Variants in DCC observed in about 807,000 individuals in gnomAD.
The protein encoded by DCC is netrin receptor DCC.
In DCC, 58 loss-of-function variants were observed where a neutral mutation model predicts 172.5. That is an observed-to-expected ratio of 0.34 (90% CI 0.27 to 0.42). DCC has a LOEUF of 0.42. Among genes scored for constraint, DCC ranks in the 10% least tolerant of loss-of-function variants. The pLI is 1.00. For synonymous variants in DCC, 709 were observed against 644.5 expected, an observed-to-expected ratio of 1.10 and a Z score of -1.52; for missense variants, 1,740 against 1,791.0, an observed-to-expected ratio of 0.97 and a Z score of 0.51.
At chr18:52,386,361 G>T (rs1289502273) in intron 1 of DCC, among the ~76,000 whole-genome samples, 1 of 152,124 alleles carries the variant, frequency 6.6e-6, no homozygotes, top group African/African-American at 2.4e-5. Context: ...CCTCAAACAT[G>T]ATTTTAAATT....
rs1029332206 is a variant in DCC at position 52,353,551 on chromosome 18, G to T, written c.91+12673G>T. 7.9e-5 allele frequency among the ~76,000 whole-genome samples: 12 copies of T among 152,330 alleles called. 1 individual carries two copies. Among genetic ancestry groups the T allele is most frequent in the Admixed American group, 2.6e-4 (4 of 15,304 alleles). On this transcript the variant is annotated intron_variant, in intron 1 of 28. Coordinates refer to ENST00000442544, the MANE Select transcript of DCC (RefSeq NM_005215.4). ...TGATTGGGGATGGTCTTCAGGGCAT[G>T]AAACAGACCAAGTGCTCATTTGCCT...
chr18:52,899,489 G>A (rs8085762), intron 2 of DCC, among the ~76,000 whole-genome samples: 59,658 of 150,822 alleles, frequency 0.4, 12,368 homozygotes, highest in Non-Finnish European at 0.47. Context: ...AAGTAGCTGG[G>A]GTTACAGACA....
intron 21 of DCC, among the ~76,000 whole-genome samples, chr18:53,427,832 A>T (rs1329501418): frequency 9.9e-6 from 1 of 100,514 alleles, no homozygotes; most frequent in African/African-American, 3.1e-5. Context: ...TTAATATATG[A>T]TATATAATAT....
chr18:52,790,673 A>G (rs1473043220), intron 2 of DCC, among the ~76,000 whole-genome samples: 2 of 152,182 alleles, frequency 1.3e-5, no homozygotes, highest in Non-Finnish European at 2.9e-5. Flanking sequence ...TTCCTTTCCT[A>G]TCAACAGTGG....
intron 1 of DCC, among the ~76,000 whole-genome samples, chr18:52,393,141 A>G (rs1459868526): frequency 6.6e-6 from 1 of 152,090 alleles, no homozygotes; most frequent in East Asian, 1.9e-4. Flanking sequence ...TACACTCCCA[A>G]TATCTGTGTG....
intron 1 of DCC, among the ~76,000 whole-genome samples, chr18:52,497,498 T>A (rs1412028090): frequency 7.2e-6 from 1 of 139,216 alleles, no homozygotes; most frequent in African/African-American, 2.7e-5. Context: ...TGAATGCTAG[T>A]TTTGCTTGAT....
chr18:52,896,078 C>T (rs1234006721), intron 2 of DCC, among the ~76,000 whole-genome samples: 1 of 152,160 alleles, frequency 6.6e-6, no homozygotes, highest in Non-Finnish European at 1.5e-5. Context: ...AGCCACTGCA[C>T]CCAGCCGTGG....
intron 1 of DCC, among the ~76,000 whole-genome samples, chr18:52,504,625 T>C (rs908326149): frequency 6.6e-6 from 1 of 152,176 alleles, no homozygotes; most frequent in Non-Finnish European, 1.5e-5. Flanking sequence ...CAAAATCTAT[T>C]GGAAGATAGA....
At chr18:52,927,121 A>ATATATACG (rs2040224888) in intron 5 of DCC, among the ~76,000 whole-genome samples, 1 of 92,954 alleles carries the variant, frequency 1.1e-5, no homozygotes. Context: ...ATATACGTGT[A>ATATATACG]TATACACGTA....
At chr18:52,525,839 T>C (rs940509984) in intron 1 of DCC, among the ~76,000 whole-genome samples, 2 of 152,332 alleles carry the variant, frequency 1.3e-5, no homozygotes, top group East Asian at 3.9e-4. Flanking sequence ...CCAAAGATGA[T>C]GAATCCTCCA....
intron 5 of DCC, among the ~76,000 whole-genome samples, chr18:52,982,355 G>C (rs530663878): frequency 2.0e-5 from 3 of 152,126 alleles, no homozygotes; most frequent in Non-Finnish European, 4.4e-5. Context: ...ACAAATTGAG[G>C]ATGGTTATGA....
At chr18:52,582,477 A>G in intron 1 of DCC, among the ~76,000 whole-genome samples, 1 of 152,208 alleles carries the variant, frequency 6.6e-6, no homozygotes, top group Non-Finnish European at 1.5e-5. Flanking sequence ...AATACGCAGC[A>G]TCTTGGTTTA....
chr18:52,387,599 C>CTTCCTTCCTTCA (rs1598774924), intron 1 of DCC, among the ~76,000 whole-genome samples: 1 of 149,774 alleles, frequency 6.7e-6, no homozygotes. Context: ...TCCTTCCTTC[C>CTTCCTTCCTTCA]TTCCTTCCTT....
rs143094151 is a variant in DCC, at chr18:52,864,063, T to C, written c.413-41981T>C. Among the ~76,000 whole-genome samples, 375 of 152,278 alleles carry C rather than the reference T, an allele frequency of 2.5e-3. 1 individual carries two copies. Among genetic ancestry groups the C allele is most frequent in the Non-Finnish European group, 3.2e-3 (217 of 68,002 alleles). On this transcript the variant is annotated intron_variant, in intron 2 of 28. Coordinates refer to ENST00000442544, the MANE Select transcript of DCC (RefSeq NM_005215.4). ...CAGGTAGACAATATACAAATAGACA[T>C]GTATATACAAAAATACAGACATAAA...
intron 22 of DCC, among the ~76,000 whole-genome samples, chr18:53,447,489 CAG>C (rs1912690175): frequency 1.3e-5 from 2 of 152,094 alleles, no homozygotes; most frequent in Admixed American, 6.5e-5. Flanking sequence ...CAGCAGAATT[CAG>C]AGTTATTTTT....
chr18:53,169,377 T>C (rs545306817), intron 8 of DCC, among the ~76,000 whole-genome samples: 1 of 152,354 alleles, frequency 6.6e-6, no homozygotes, highest in South Asian at 2.1e-4. Context: ...AGTGGACAAG[T>C]TGTCTACAGA....
intron 1 of DCC, among the ~76,000 whole-genome samples, chr18:52,573,390 C>T (rs958519177): frequency 2.6e-5 from 4 of 152,114 alleles, no homozygotes; most frequent in South Asian, 2.1e-4. Context: ...AGTTATTTCT[C>T]CTGCAGTAAA....
intron 7 of DCC, among the ~76,000 whole-genome samples, chr18:53,129,235 A>C (rs2043615998): frequency 6.6e-6 from 1 of 152,000 alleles, no homozygotes; most frequent in African/African-American, 2.4e-5. Context: ...TTTAGATGTT[A>C]TCTATTGATT....
At chr18:53,424,031 G>GA (rs1159265556) in intron 21 of DCC, among the ~76,000 whole-genome samples, 1 of 152,048 alleles carries the variant, frequency 6.6e-6, no homozygotes, top group African/African-American at 2.4e-5. Flanking sequence ...TTTCCAACAG[G>GA]AAAAAGTATA....
Sources: gnomAD v4.1 joint callset for allele counts (sites outside exome capture counted in the v4.1 genomes callset) on GRCh38, gnomAD v4.1.1 for gene constraint, MANE v1.5 for transcripts, NCBI Gene and HGNC (gene_info 2026-07-23, HGNC 2026-07-21) for gene names.